RPS6KA2: variants seen among roughly 807,000 people sequenced by gnomAD.
RPS6KA2 encodes the protein ribosomal protein S6 kinase alpha-2.
Under a neutral mutation model 91.8 loss-of-function variants are expected in RPS6KA2, and 42 were observed. The observed-to-expected ratio is 0.46, with a 90% CI of 0.36 to 0.59. The LOEUF (loss-of-function observed/expected upper bound fraction) is 0.59, where lower values mean the gene tolerates loss of function less well. Ranked by LOEUF, RPS6KA2 falls within the 20% of genes least tolerant of loss-of-function variation. The pLI, the probability that RPS6KA2 is intolerant of heterozygous loss-of-function variation, is 0.00. For missense variants in RPS6KA2, 798 were observed against 978.5 expected, an observed-to-expected ratio of 0.82 and a Z score of 2.46; for synonymous variants, 414 against 393.6, an observed-to-expected ratio of 1.05 and a Z score of -0.61.
chr6:166,529,174 A>C lies in RPS6KA2; in HGVS notation c.298+2058T>G, dbSNP rs566132956. Among the ~76,000 whole-genome samples, 55 of 152,374 alleles carry C rather than the reference A, an allele frequency of 3.6e-4. No homozygotes were observed. In the South Asian group the frequency reaches 0.011, roughly 30 times the overall value. ...TAGCAAAGACTTGGAACCAACCCAA[A>C]TGTCCATCAATGATAGACTGGATTA... is the stretch of plus-strand genomic sequence containing the variant. On this transcript the variant is annotated intron_variant, in intron 3 of 20. Coordinates refer to ENST00000265678, the MANE Select transcript of RPS6KA2 (RefSeq NM_021135.6).
In RPS6KA2 at chr6:166,780,987, A is replaced by G. The variant is rs143425152; in HGVS notation, c.123+77213T>C. 2.7e-3 allele frequency among the ~76,000 whole-genome samples: 415 copies of G among 152,358 alleles called. 3 individuals carry two copies. Among genetic ancestry groups the G allele is most frequent in the African/African-American group, 9.2e-3 (383 of 41,586 alleles). ...ATATTCGGACACTTCGCTAGCAGAA[A>G]GAGACTATTTTACTGACTCCTACTA... is the stretch of plus-strand genomic sequence containing the variant. On this transcript the variant is annotated intron_variant, in intron 2 of 21. Transcript: ENST00000503859.
At chr6:166,525,263 C>A (rs570003460) in intron 3 of RPS6KA2, among the ~76,000 whole-genome samples, 21 of 152,316 alleles carry the variant, frequency 1.4e-4, no homozygotes, top group African/African-American at 5.1e-4. Context: ...TTATATAGAA[C>A]GGTTACCTGT....
At chr6:166,687,565 T>C (rs914453472) in intron 2 of RPS6KA2, among the ~76,000 whole-genome samples, 3 of 152,224 alleles carry the variant, frequency 2.0e-5, no homozygotes, top group Non-Finnish European at 4.4e-5. Context: ...AGAATTCAAC[T>C]ATTGGGAGCC....
At chr6:166,764,652 C>T (rs752671516) in intron 2 of RPS6KA2, among the ~76,000 whole-genome samples, 4 of 152,092 alleles carry the variant, frequency 2.6e-5, no homozygotes, top group Non-Finnish European at 5.9e-5. Context: ...CTGCACTTCC[C>T]CAGGCACAGC....
intron 2 of RPS6KA2, among the ~76,000 whole-genome samples, chr6:166,843,276 G>A (rs1000614212): frequency 2.6e-5 from 4 of 152,102 alleles, no homozygotes; most frequent in African/African-American, 4.8e-5. Flanking sequence ...CCCACCTGGG[G>A]GTCTTTCTCT....
Position 166,648,349 on chromosome 6 carries a change from T to G in RPS6KA2, c.124-109565A>C, listed in dbSNP as rs1787739815. Among the ~76,000 whole-genome samples, 1 of 152,132 alleles carries G rather than the reference T, an allele frequency of 6.6e-6. No individual in the cohort carries two copies. Among genetic ancestry groups the G allele is most frequent in the Admixed American group, 6.5e-5 (1 of 15,280 alleles). ...CATACATGCACACGCTTCTCCTCAC[T>G]CCCTGATTTTTATGCTGTTTTTCTG... On this transcript the variant is annotated intron_variant, in intron 2 of 21. Transcript: ENST00000503859. The surrounding 1 kb of genome is among the most constrained non-coding windows in gnomAD (Gnocchi z 4.8).
intron 1 of RPS6KA2, among the ~76,000 whole-genome samples, chr6:166,539,696 C>T (rs1480163310): frequency 6.6e-6 from 1 of 152,156 alleles, no homozygotes; most frequent in East Asian, 1.9e-4. Context: ...AATTTTCATC[C>T]CAGAGCTTCC....
At position 166,506,904 on chromosome 6, in the gene RPS6KA2, C is replaced by T. The variant is rs1183247242; in HGVS notation, c.459+1299G>A. 2.6e-5 allele frequency among the ~76,000 whole-genome samples: 4 copies of T among 152,146 alleles called. No homozygotes were observed. In the East Asian group the frequency reaches 5.8e-4, roughly 22 times the overall value. On this transcript the variant is annotated intron_variant, in intron 5 of 20. Coordinates refer to ENST00000265678, the MANE Select transcript of RPS6KA2 (RefSeq NM_021135.6). ...AACGGAAAGCCCGGCACTGGCACTG[C>T]CATGGGCAGAATCTGCCTTTTGCCA...
intron 2 of RPS6KA2, chr6:166,701,679 A>C: frequency 1.5e-5 from 19 of 1,273,582 alleles, no homozygotes; most frequent in Non-Finnish European, 2.2e-5. Context: ...CTGAGGTGGG[A>C]GGTGGCATCC....
intron 2 of RPS6KA2, among the ~76,000 whole-genome samples, chr6:166,792,606 T>G (rs1012209067): frequency 2.0e-5 from 3 of 152,058 alleles, no homozygotes; most frequent in African/African-American, 4.8e-5. Context: ...AAATCCTCAA[T>G]AAAATACTGG....
intron 2 of RPS6KA2, among the ~76,000 whole-genome samples, chr6:166,817,066 G>A (rs1779784031): frequency 6.6e-6 from 1 of 152,188 alleles, no homozygotes. Context: ...GCATAAATGA[G>A]ATTAAATGTG....
At chr6:166,617,085 G>A (rs1000610594) in intron 1 of RPS6KA2, among the ~76,000 whole-genome samples, 1 of 152,210 alleles carries the variant, frequency 6.6e-6, no homozygotes, top group African/African-American at 2.4e-5. Context: ...GTCACAGGCT[G>A]GAATGTGCAG....
intron 16 of RPS6KA2, among the ~76,000 whole-genome samples, chr6:166,430,165 T>G (rs1172431878): frequency 6.6e-6 from 1 of 152,052 alleles, no homozygotes; most frequent in East Asian, 1.9e-4. Flanking sequence ...AGACAGGGTT[T>G]CACCATGTTG....
At chr6:166,718,715 A>C (rs955412679) in intron 2 of RPS6KA2, among the ~76,000 whole-genome samples, 1 of 152,208 alleles carries the variant, frequency 6.6e-6, no homozygotes, top group Non-Finnish European at 1.5e-5. Flanking sequence ...GGTGTAAGAT[A>C]GCTGCCCCGC....
chr6:166,499,373 G>A (rs929433755), intron 7 of RPS6KA2, among the ~76,000 whole-genome samples: 1 of 152,216 alleles, frequency 6.6e-6, no homozygotes, highest in African/African-American at 2.4e-5. Flanking sequence ...CCTTGCCCCT[G>A]AGCCTGGGAA....
chr6:166,568,584 C>T (rs1405437287), intron 1 of RPS6KA2, among the ~76,000 whole-genome samples: 1 of 120,132 alleles, frequency 8.3e-6, no homozygotes, highest in Non-Finnish European at 1.6e-5. Flanking sequence ...CGCCATCGCA[C>T]TCTAAGCCTG....
chr6:166,601,135 C>CCCACAGG (rs1439220054), intron 1 of RPS6KA2, among the ~76,000 whole-genome samples: 3 of 152,180 alleles, frequency 2.0e-5, no homozygotes, highest in Non-Finnish European at 4.4e-5. Context: ...TTCTTGGGCA[C>CCCACAGG]CCACAGGCCA....
intron 2 of RPS6KA2, among the ~76,000 whole-genome samples, chr6:166,752,167 C>T (rs1032107250): frequency 6.6e-6 from 1 of 152,224 alleles, no homozygotes; most frequent in Non-Finnish European, 1.5e-5. Context: ...CTATTTTAGT[C>T]ATTAATAACC....
At chr6:166,728,081 T>A (rs538946395) in intron 2 of RPS6KA2, among the ~76,000 whole-genome samples, 2 of 152,346 alleles carry the variant, frequency 1.3e-5, no homozygotes, top group Admixed American at 1.3e-4. Flanking sequence ...AATCTAGAGA[T>A]AATTACAGAA....
Sources: gnomAD v4.1 joint callset for allele counts (sites outside exome capture counted in the v4.1 genomes callset) on GRCh38, gnomAD v4.1.1 for gene constraint, Gnocchi (gnomAD v3.1) non-coding constraint, MANE v1.5 for transcripts, NCBI Gene and HGNC (gene_info 2026-07-23, HGNC 2026-07-21) for gene names.